Variants in PTPRD observed in about 807,000 individuals in gnomAD.
PTPRD encodes protein tyrosine phosphatase receptor type D.
Under a neutral mutation model 214.5 loss-of-function variants are expected in PTPRD, and 34 were observed. That is an observed-to-expected ratio of 0.16 (90% CI 0.12 to 0.21). The LOEUF (loss-of-function observed/expected upper bound fraction) is 0.21. Ranked by LOEUF, PTPRD falls within the 10% of genes least tolerant of loss-of-function variation. PTPRD has a pLI of 1.00. For missense variants in PTPRD, 2,545 were observed against 2,398.7 expected (o/e 1.06, Z -1.27); for synonymous variants, 1,128 against 845.7 (o/e 1.33, Z -5.79).
At chr9:8,580,331 GT>G (rs1231379159) in intron 14 of PTPRD, among the ~76,000 whole-genome samples, 2 of 152,306 alleles carry the variant, frequency 1.3e-5, no homozygotes, top group Admixed American at 1.3e-4. Context: ...TAAGAAAATA[GT>G]TTAGAACAAA....
At chr9:9,291,741 T>C (rs1951207132) in intron 9 of PTPRD, among the ~76,000 whole-genome samples, 1 of 150,738 alleles carries the variant, frequency 6.6e-6, no homozygotes, top group Non-Finnish European at 1.5e-5. Flanking sequence ...TGTCAAAACA[T>C]GTTTCTTATT....
At position 10,148,306 on chromosome 9, in the gene PTPRD, T is replaced by C. The variant is rs546645060; in HGVS notation, c.-544-114516A>G. On this transcript the variant is annotated intron_variant, in intron 3 of 45. Coordinates refer to ENST00000381196, the MANE Select transcript of PTPRD (RefSeq NM_002839.4). ...CATCTATGAGAAATAAATTGACCTATTAATAATCATTTATTCAACTGATAA... is the reference window on the plus strand; with the variant it reads ...CATCTATGAGAAATAAATTGACCTACTAATAATCATTTATTCAACTGATAA... Among the ~76,000 whole-genome samples the C allele has an allele frequency of 3.3e-5, 5 of 152,328 alleles. No homozygotes were observed. In the South Asian group the frequency reaches 8.3e-4, roughly 25 times the overall value.
At chr9:10,588,427 T>TATACACACACACAC (rs1555573786) in intron 2 of PTPRD, among the ~76,000 whole-genome samples, 5 of 146,610 alleles carry the variant, frequency 3.4e-5, no homozygotes, top group African/African-American at 1.3e-4. Context: ...TGGCTTATTG[T>TATACACACACACAC]ACACACACAC....
intron 11 of PTPRD, among the ~76,000 whole-genome samples, chr9:8,967,801 G>A (rs561459791): frequency 2.0e-5 from 3 of 152,114 alleles, no homozygotes; most frequent in East Asian, 1.9e-4. Context: ...AGTGCACAAC[G>A]TGCAGGTGTG....
chr9:9,999,405 C>G (rs546256486), intron 4 of PTPRD, among the ~76,000 whole-genome samples: 1 of 152,178 alleles, frequency 6.6e-6, no homozygotes, highest in Non-Finnish European at 1.5e-5. Context: ...TGCTACCTCA[C>G]CAGACTTTTT....
rs76781042 is a variant in PTPRD, at chr9:9,424,910, A to G, written c.-236-27428T>C. 6.0e-3 allele frequency among the ~76,000 whole-genome samples: 917 copies of G among 152,308 alleles called. 9 individuals carry two copies. The highest frequency in any genetic ancestry group is 0.02 in the African/African-American group (818 of 41,552). ...AACAATTTCTTCATCCTGTATACCT[A>G]TATCAATGCACCAATCAAGAATTAG... On this transcript the variant is annotated intron_variant, in intron 8 of 45. Coordinates refer to ENST00000381196, the MANE Select transcript of PTPRD (RefSeq NM_002839.4).
intron 9 of PTPRD, among the ~76,000 whole-genome samples, chr9:9,304,255 A>G (rs1956387083): frequency 6.6e-6 from 1 of 152,166 alleles, no homozygotes; most frequent in South Asian, 2.1e-4. Context: ...AAAGAAAAGA[A>G]GACTAGGATG....
chr9:9,132,086 T>C (rs1210465825), intron 10 of PTPRD, among the ~76,000 whole-genome samples: 1 of 152,056 alleles, frequency 6.6e-6, no homozygotes, highest in East Asian at 1.9e-4. Context: ...AGGCTCACTG[T>C]AAGCTCCGCC....
rs532719110 is a variant in PTPRD, at chr9:9,943,525, A to C, written c.-471-4915T>G. On this transcript the variant is annotated intron_variant, in intron 4 of 45. Coordinates refer to ENST00000381196, the MANE Select transcript of PTPRD (RefSeq NM_002839.4). Reference sequence around the variant, plus strand: ...ACAAAAATTACTGTCTTCATGGAACATATCTTCTAGTTGGAGGAGACAATG... The same window carrying C: ...ACAAAAATTACTGTCTTCATGGAACCTATCTTCTAGTTGGAGGAGACAATG... 1.2e-3 allele frequency among the ~76,000 whole-genome samples: 184 copies of C among 152,310 alleles called. 5 individuals carry two copies. In the South Asian group the frequency reaches 0.037, roughly 31 times the overall value.
At chr9:9,611,518 T>C (rs1207651671) in intron 7 of PTPRD, among the ~76,000 whole-genome samples, 2 of 152,130 alleles carry the variant, frequency 1.3e-5, no homozygotes. Flanking sequence ...AAATTTAACA[T>C]AGAATCTGAT....
chr9:8,880,809 G>A (rs542163265), intron 11 of PTPRD, among the ~76,000 whole-genome samples: 42 of 152,234 alleles, frequency 2.8e-4, no homozygotes, highest in Admixed American at 1.7e-3. Flanking sequence ...TCTTGAGACA[G>A]TGTCTGACTC....
chr9:8,538,650 T>C (rs1350737315), intron 14 of PTPRD, among the ~76,000 whole-genome samples: 1 of 151,318 alleles, frequency 6.6e-6, no homozygotes, highest in Non-Finnish European at 1.5e-5. Flanking sequence ...TGTATACATA[T>C]ACTATACATA....
intron 8 of PTPRD, among the ~76,000 whole-genome samples, chr9:9,550,037 T>C (rs2079806012): frequency 6.6e-6 from 1 of 152,034 alleles, no homozygotes; most frequent in Admixed American, 6.6e-5. Context: ...AATTAAATGT[T>C]GCTGTGAATA....
intron 2 of PTPRD, among the ~76,000 whole-genome samples, chr9:10,343,549 C>T (rs1196637296): frequency 6.6e-6 from 1 of 152,114 alleles, no homozygotes; most frequent in East Asian, 1.9e-4. Flanking sequence ...TGAGGAATCG[C>T]CACAATGTCT....
At chr9:9,821,437 C>T (rs961164874) in intron 5 of PTPRD, among the ~76,000 whole-genome samples, 70 of 152,194 alleles carry the variant, frequency 4.6e-4, no homozygotes, top group African/African-American at 1.6e-3. Context: ...ACCAATACAT[C>T]CATTATGTTT....
chr9:10,121,919 G>A (rs954144531), intron 3 of PTPRD, among the ~76,000 whole-genome samples: 1 of 152,052 alleles, frequency 6.6e-6, no homozygotes, highest in Non-Finnish European at 1.5e-5. Context: ...CCTCCTTCCT[G>A]CAATACCAAC....
intron 14 of PTPRD, among the ~76,000 whole-genome samples, chr9:8,600,086 A>C (rs1469067178): frequency 6.6e-6 from 1 of 152,188 alleles, no homozygotes; most frequent in Non-Finnish European, 1.5e-5. Flanking sequence ...TAAGGAATCT[A>C]TGTGCTTGGG....
At chr9:8,816,594 T>C (rs1600725105) in intron 11 of PTPRD, among the ~76,000 whole-genome samples, 1 of 152,220 alleles carries the variant, frequency 6.6e-6, no homozygotes, top group Non-Finnish European at 1.5e-5. Flanking sequence ...CAAAGGCTTT[T>C]ATGTCAAGTT....
chr9:9,341,382 C>T (rs2046744186), intron 9 of PTPRD, among the ~76,000 whole-genome samples: 1 of 152,106 alleles, frequency 6.6e-6, no homozygotes, highest in African/African-American at 2.4e-5. Context: ...TCATTATCCC[C>T]CCAGGGCGCA....
Sources: allele counts gnomAD v4.1 joint callset (sites outside exome capture counted in the v4.1 genomes callset), GRCh38; gene constraint gnomAD v4.1.1; transcripts MANE v1.5; gene names NCBI Gene and HGNC (gene_info 2026-07-23, HGNC 2026-07-21).